Variants in LYPD6 observed in about 807,000 individuals in gnomAD.
LYPD6 encodes LY6/PLAUR domain containing 6, also known as ly6/PLAUR domain-containing protein 6.
A neutral mutation model predicts 22.7 loss-of-function variants in LYPD6; 15 were observed. That is an observed-to-expected ratio of 0.66 (90% CI 0.44 to 1.02). The LOEUF (loss-of-function observed/expected upper bound fraction) is 1.02. Ranked by LOEUF, LYPD6 falls within the 50% of genes least tolerant of loss-of-function variation. LYPD6 has a pLI of 0.00. For synonymous variants in LYPD6, 72 were observed against 77.5 expected (o/e 0.93, Z 0.37); for missense variants, 189 against 208.4 (o/e 0.91, Z 0.57).
intron 1 of LYPD6, among the ~76,000 whole-genome samples, chr2:149,334,247 A>G (rs1252181631): frequency 2.0e-5 from 3 of 152,216 alleles, no homozygotes; most frequent in Non-Finnish European, 4.4e-5. Context: ...CCAAAAGTGA[A>G]TTTGTTAAAA....
intron 1 of LYPD6, among the ~76,000 whole-genome samples, chr2:149,396,963 C>T (rs1027325139): frequency 6.6e-6 from 1 of 152,174 alleles, no homozygotes; most frequent in Non-Finnish European, 1.5e-5. Context: ...TTGCATATAA[C>T]CTTTGCAGCT....
At chr2:149,408,860 T>A (rs6706253) in intron 1 of LYPD6, among the ~76,000 whole-genome samples, 49,094 of 152,124 alleles carry the variant, frequency 0.32, 10,614 homozygotes, top group African/African-American at 0.62. Flanking sequence ...CCTTTCTCTG[T>A]TGCCTCCTTG....
chr2:149,368,116 G>A (rs1681721624), intron 1 of LYPD6: 1 of 152,236 alleles, frequency 6.6e-6, no homozygotes, highest in South Asian at 2.1e-4. Context: ...AAAAGCTACT[G>A]TGTGAGCACA....
At chr2:149,352,092 G>A (rs73966479) in intron 1 of LYPD6, among the ~76,000 whole-genome samples, 1,990 of 152,222 alleles carry the variant, frequency 0.013, 43 homozygotes, top group African/African-American at 0.045. Context: ...TGGAGCTTAT[G>A]TGCCAGGGAC....
chr2:149,330,399 A>G (rs1265790361), upstream of LYPD6: 7 of 150,322 alleles, frequency 4.7e-5, no homozygotes, highest in Non-Finnish European at 7.4e-5. Context: ...ATTCTCCCGG[A>G]GTTGGGCCGC....
At chr2:149,395,327 A>G (rs975545172) in intron 1 of LYPD6, among the ~76,000 whole-genome samples, 2 of 152,224 alleles carry the variant, frequency 1.3e-5, no homozygotes, top group Non-Finnish European at 2.9e-5. Flanking sequence ...TTCTTTTTCA[A>G]AAGTTTTCTG....
chr2:149,455,998 G>C (rs1680949152), intron 3 of LYPD6, among the ~76,000 whole-genome samples: 1 of 152,212 alleles, frequency 6.6e-6, no homozygotes, highest in African/African-American at 2.4e-5. Context: ...CAGTCAGTTT[G>C]ATGAGCATTT....
chr2:149,386,004 C>G (rs184679671), intron 1 of LYPD6, among the ~76,000 whole-genome samples: 20 of 152,214 alleles, frequency 1.3e-4, no homozygotes, highest in African/African-American at 4.8e-4. Context: ...TTCAGAATCC[C>G]CCCCCAAGAC....
chr2:149,391,119 C>T (rs1049787582), intron 1 of LYPD6, among the ~76,000 whole-genome samples: 3 of 152,188 alleles, frequency 2.0e-5, no homozygotes, highest in African/African-American at 7.2e-5. Flanking sequence ...CTACTATTGG[C>T]AGGAGAAGAC....
At chr2:149,404,823 G>A (rs1312636862) in intron 1 of LYPD6, among the ~76,000 whole-genome samples, 1 of 152,164 alleles carries the variant, frequency 6.6e-6, no homozygotes, top group Non-Finnish European at 1.5e-5. Context: ...GTTTTCAAAG[G>A]GAATGCTTCC....
intron 3 of LYPD6, among the ~76,000 whole-genome samples, chr2:149,458,954 T>C (rs1231138960): frequency 4.6e-5 from 7 of 152,148 alleles, no homozygotes; most frequent in Non-Finnish European, 8.8e-5. Flanking sequence ...TCTATGGAGC[T>C]GTAACAAATG....
At chr2:149,369,102 G>A (rs1407149177) in intron 1 of LYPD6, among the ~76,000 whole-genome samples, 1 of 152,038 alleles carries the variant, frequency 6.6e-6, no homozygotes, top group African/African-American at 2.4e-5. Flanking sequence ...AGGGTGAAGG[G>A]TGAGTGCCTG....
intron 1 of LYPD6, among the ~76,000 whole-genome samples, chr2:149,347,746 G>GT (rs1181936722): frequency 6.6e-6 from 1 of 152,114 alleles, no homozygotes; most frequent in Non-Finnish European, 1.5e-5. Context: ...ATGAGCTTAA[G>GT]TTTAAATAGC....
At chr2:149,341,661 C>T (rs535912852) in intron 1 of LYPD6, among the ~76,000 whole-genome samples, 1 of 152,278 alleles carries the variant, frequency 6.6e-6, no homozygotes, top group African/African-American at 2.4e-5. Context: ...ATTTATTTCT[C>T]ACACATCTGA....
At chr2:149,450,564 C>G (rs1683783022) in intron 3 of LYPD6, among the ~76,000 whole-genome samples, 1 of 152,150 alleles carries the variant, frequency 6.6e-6, no homozygotes, top group African/African-American at 2.4e-5. Context: ...CATGGAAGCA[C>G]TAAAGATTGG....
chr2:149,334,354 CAT>C (rs1680994272), intron 1 of LYPD6, among the ~76,000 whole-genome samples: 1 of 152,172 alleles, frequency 6.6e-6, no homozygotes. Context: ...TCATACCAAA[CAT>C]GTACTGGGAG....
chr2:149,362,752 G>A (rs77450685), intron 1 of LYPD6, among the ~76,000 whole-genome samples: 6,653 of 152,110 alleles, frequency 0.044, 192 homozygotes, highest in Non-Finnish European at 0.055. Context: ...TCTTAGGAAC[G>A]TACTCTTATG....
At chr2:149,435,462 G>A (rs1364089064) in intron 1 of LYPD6, among the ~76,000 whole-genome samples, 1 of 152,188 alleles carries the variant, frequency 6.6e-6, no homozygotes, top group African/African-American at 2.4e-5. Flanking sequence ...GGGGGTATTG[G>A]CCATAGTGCT....
downstream of LYPD6, among the ~76,000 whole-genome samples, chr2:149,476,556 GT>G (rs372435557): frequency 3.3e-5 from 5 of 152,096 alleles, no homozygotes; most frequent in African/African-American, 1.2e-4. Context: ...TGTTGTCTAA[GT>G]GGGGAAAGTG....
Sources: allele counts gnomAD v4.1 joint callset (sites outside exome capture counted in the v4.1 genomes callset), GRCh38; gene constraint gnomAD v4.1.1; transcripts MANE v1.5; gene names NCBI Gene and HGNC (gene_info 2026-07-23, HGNC 2026-07-21).